Variants in LMX1A observed in about 807,000 individuals in gnomAD.
The protein encoded by LMX1A is LIM homeobox transcription factor 1-alpha.
Under a neutral mutation model 49.1 loss-of-function variants are expected in LMX1A, and 15 were observed. The ratio of observed to expected loss-of-function variants is 0.31; its 90% CI spans 0.20 to 0.47. LMX1A has a LOEUF of 0.47. LMX1A is among the 20% of genes least tolerant of loss of function. LMX1A has a pLI of 1.00. For missense variants in LMX1A, 372 were observed against 475.8 expected (o/e 0.78, Z 2.03); for synonymous variants, 167 against 185.7 (o/e 0.90, Z 0.82).
intron 3 of LMX1A, among the ~76,000 whole-genome samples, chr1:165,310,123 C>T (rs759214755): frequency 2.0e-5 from 3 of 152,202 alleles, no homozygotes; most frequent in Admixed American, 6.5e-5. Context: ...AATTCTTGTC[C>T]ACCACAGTGG....
At chr1:165,318,441 A>G (rs1655283857) in intron 3 of LMX1A, among the ~76,000 whole-genome samples, 1 of 151,796 alleles carries the variant, frequency 6.6e-6, no homozygotes, top group Admixed American at 6.6e-5. Flanking sequence ...TGCTGGCTTC[A>G]GGTTCAGAGC....
intron 3 of LMX1A, among the ~76,000 whole-genome samples, chr1:165,336,794 C>G (rs1175478130): frequency 1.3e-5 from 2 of 152,182 alleles, no homozygotes; most frequent in African/African-American, 4.8e-5. Flanking sequence ...TTCCAGGCAT[C>G]AGACTTGTGA....
chr1:165,290,753 C>T (rs538448064), intron 3 of LMX1A, among the ~76,000 whole-genome samples: 1 of 152,244 alleles, frequency 6.6e-6, no homozygotes, highest in South Asian at 2.1e-4. Flanking sequence ...ATTAGAAATG[C>T]GGTTCTCAAA....
chr1:165,240,921 A>C (rs1038944424), intron 4 of LMX1A, among the ~76,000 whole-genome samples: 2 of 152,238 alleles, frequency 1.3e-5, no homozygotes, highest in African/African-American at 4.8e-5. Flanking sequence ...TTAGGTATTT[A>C]AAATAGCTCA....
intron 3 of LMX1A, among the ~76,000 whole-genome samples, chr1:165,319,785 C>G (rs1390907457): frequency 6.6e-6 from 1 of 152,068 alleles, no homozygotes; most frequent in Non-Finnish European, 1.5e-5. Context: ...AAGAAATACA[C>G]CAAAATACTA....
Position 165,353,162 on chromosome 1 carries a change from G to C in LMX1A, c.177C>G (p.Cys59Trp). The C allele has an allele frequency of 6.2e-7, 1 of 1,614,130 alleles. No homozygotes were observed. ...GCTCTTTGCAGGAGGCGCACTGCAC[G>C]CACTGCTCATGCCAGAAGCTGTCGT... ...RLNDSFWHEQ[C>W]VQCASCKEPL... Residue 59 changes from cysteine (C) to tryptophan (W), a missense_variant, in exon 3 of 9, where the codon TGC (cysteine) becomes TGG (tryptophan). Coordinates refer to ENST00000342310, the MANE Select transcript of LMX1A (RefSeq NM_177398.4).
chr1:165,267,953 G>A (rs1571190885), intron 3 of LMX1A, among the ~76,000 whole-genome samples: 1 of 152,326 alleles, frequency 6.6e-6, no homozygotes, highest in Admixed American at 6.5e-5. Context: ...GACAGAGGGG[G>A]ATCTAGGGTC....
intron 3 of LMX1A, among the ~76,000 whole-genome samples, chr1:165,303,211 C>T (rs922482550): frequency 6.6e-6 from 1 of 152,186 alleles, no homozygotes; most frequent in East Asian, 1.9e-4. Context: ...GCCAAAATTA[C>T]CACACAAAAC....
At chr1:165,216,339 C>G (rs1651642099) in intron 4 of LMX1A, among the ~76,000 whole-genome samples, 1 of 152,192 alleles carries the variant, frequency 6.6e-6, no homozygotes, top group Non-Finnish European at 1.5e-5. Context: ...CCTATTGATC[C>G]TACTGCTCAG....
In LMX1A at chr1:165,352,231, AT is replaced by A. The variant is rs571886641; in HGVS notation, c.263+844del. On this transcript the variant is annotated intron_variant, in intron 3 of 8. Transcript: ENST00000342310. Reference sequence around the variant, plus strand: ...CTGGCTTCATCCAGGCTTTAGTGTTATAAAAATCCAGTTTCGAAATATCCAC... The same window carrying A: ...CTGGCTTCATCCAGGCTTTAGTGTTAAAAAATCCAGTTTCGAAATATCCAC... Among the ~76,000 whole-genome samples, 13 of 152,362 alleles carry A rather than the reference AT, an allele frequency of 8.5e-5. No homozygotes were observed. The East Asian group carries it at 2.3e-3, about 27-fold the overall frequency.
chr1:165,307,910 A>C (rs2101730809), intron 3 of LMX1A, among the ~76,000 whole-genome samples: 1 of 152,344 alleles, frequency 6.6e-6, no homozygotes, highest in South Asian at 2.1e-4. Flanking sequence ...ATTTTTAAAA[A>C]GACTGTGTGA....
intron 3 of LMX1A, among the ~76,000 whole-genome samples, chr1:165,257,114 A>G (rs1260849300): frequency 1.3e-5 from 2 of 152,180 alleles, no homozygotes; most frequent in African/African-American, 2.4e-5. Flanking sequence ...TCAGTGCTAG[A>G]AAGTGTGATA....
intron 3 of LMX1A, among the ~76,000 whole-genome samples, chr1:165,343,361 T>C (rs75411385): frequency 0.022 from 3,349 of 151,790 alleles, 129 homozygotes; most frequent in African/African-American, 0.077. Flanking sequence ...CATACACAGC[T>C]TCTAAAACTA....
chr1:165,355,414 G>T lies in LMX1A; in HGVS notation c.76+70C>A. On this transcript the variant is annotated intron_variant, in intron 2 of 8. Coordinates refer to ENST00000342310, the MANE Select transcript of LMX1A (RefSeq NM_177398.4). The surrounding 1 kb of genome is among the most constrained non-coding windows in gnomAD (Gnocchi z 4.7). Reference sequence around the variant, plus strand: ...TCCCTATCGCGGACCAGGTCCCAGAGAGCGGGGCTCCAGAGCTCAGCGCCA... The same window carrying T: ...TCCCTATCGCGGACCAGGTCCCAGATAGCGGGGCTCCAGAGCTCAGCGCCA... 6.7e-7 allele frequency: 1 copy of T among 1,489,362 alleles called. No individual in the cohort carries two copies. Among genetic ancestry groups the T allele is most frequent in the Non-Finnish European group, 9.3e-7 (1 of 1,074,062 alleles). 92.3% of individuals were successfully genotyped at this position (1,489,362 alleles called of 1,614,324 possible).
intron 4 of LMX1A, among the ~76,000 whole-genome samples, chr1:165,220,346 G>C (rs1249075600): frequency 2.0e-5 from 3 of 152,172 alleles, no homozygotes; most frequent in Admixed American, 1.3e-4. Context: ...AATGAAGGAG[G>C]CTTCCAGGTA....
chr1:165,282,483 A>C (rs1479002807), intron 3 of LMX1A, among the ~76,000 whole-genome samples: 1 of 152,154 alleles, frequency 6.6e-6, no homozygotes, highest in African/African-American at 2.4e-5. Flanking sequence ...ATTGTTTTAA[A>C]ATTTGTATTA....
At chr1:165,343,191 G>T (rs1408564100) in intron 3 of LMX1A, among the ~76,000 whole-genome samples, 1 of 152,038 alleles carries the variant, frequency 6.6e-6, no homozygotes, top group Non-Finnish European at 1.5e-5. Flanking sequence ...TTTGAGTTTG[G>T]TACTATCATT....
intron 3 of LMX1A, among the ~76,000 whole-genome samples, chr1:165,264,130 G>A (rs1462710960): frequency 6.6e-6 from 1 of 152,052 alleles, no homozygotes; most frequent in Admixed American, 6.5e-5. Flanking sequence ...AACAAGCAAG[G>A]AGGGACTGGG....
intron 3 of LMX1A, among the ~76,000 whole-genome samples, chr1:165,333,749 C>T (rs909772375): frequency 6.6e-6 from 1 of 152,108 alleles, no homozygotes; most frequent in Non-Finnish European, 1.5e-5. Flanking sequence ...CATGCATACA[C>T]ACAAACACGC....
Sources: gnomAD v4.1 joint callset for allele counts (sites outside exome capture counted in the v4.1 genomes callset) on GRCh38, gnomAD v4.1.1 for gene constraint, Gnocchi (gnomAD v3.1) non-coding constraint, MANE v1.5 for transcripts, NCBI Gene and HGNC (gene_info 2026-07-23, HGNC 2026-07-21) for gene names.